Variants in NAALADL2 observed in about 807,000 individuals in gnomAD.
The protein encoded by NAALADL2 is N-acetylated alpha-linked acidic dipeptidase like 2, also known as inactive N-acetylated-alpha-linked acidic dipeptidase-like protein 2.
A neutral mutation model predicts 87.2 loss-of-function variants in NAALADL2; 76 were observed. That is an observed-to-expected ratio of 0.87 (90% CI 0.72 to 1.05). The LOEUF is 1.05. Among genes scored for constraint, NAALADL2 ranks in the 50% least tolerant of loss-of-function variants. The probability of loss-of-function intolerance (pLI) is 0.00; values close to 1 mark genes in which losing one functional copy is unlikely to be tolerated. For synonymous variants in NAALADL2, 354 were observed against 331.0 expected (o/e 1.07, Z -0.75); for missense variants, 1,089 against 945.8 (o/e 1.15, Z -1.99).
At chr3:174,540,182 AAG>A (rs553991490) in intron 1 of NAALADL2, among the ~76,000 whole-genome samples, 14 of 152,258 alleles carry the variant, frequency 9.2e-5, no homozygotes, top group African/African-American at 3.1e-4. Context: ...TTATTCTAGT[AAG>A]AGGGGGAAAA....
At chr3:175,745,740 CAAAT>C (rs1745838957) in intron 12 of NAALADL2, among the ~76,000 whole-genome samples, 1 of 152,068 alleles carries the variant, frequency 6.6e-6, no homozygotes, top group Non-Finnish European at 1.5e-5. Flanking sequence ...GTATCAAAAA[CAAAT>C]AAAATACAAC....
intron 2 of NAALADL2, among the ~76,000 whole-genome samples, chr3:174,626,763 G>T (rs1338076079): frequency 2.6e-5 from 4 of 151,596 alleles, no homozygotes; most frequent in African/African-American, 9.7e-5. Flanking sequence ...AATTTATTTG[G>T]CTGTATAGAG....
At chr3:175,738,934 AC>A (rs1744888652) in intron 12 of NAALADL2, among the ~76,000 whole-genome samples, 1 of 152,110 alleles carries the variant, frequency 6.6e-6, no homozygotes, top group Non-Finnish European at 1.5e-5. Flanking sequence ...ATTTTTTTAA[AC>A]AGTAATTTTA....
intron 1 of NAALADL2, among the ~76,000 whole-genome samples, chr3:174,479,915 G>A (rs1453245611): frequency 1.3e-5 from 2 of 152,002 alleles, no homozygotes; most frequent in Non-Finnish European, 2.9e-5. Flanking sequence ...ATTATCTTGG[G>A]AATCAAAGAA....
intron 1 of NAALADL2, among the ~76,000 whole-genome samples, chr3:175,011,775 T>C (rs1041097791): frequency 1.6e-4 from 25 of 152,216 alleles, no homozygotes; most frequent in Middle Eastern, 6.8e-3. Flanking sequence ...CCATTTTGAG[T>C]GTATTACTAA....
intron 9 of NAALADL2, among the ~76,000 whole-genome samples, chr3:175,565,757 C>A (rs1042641539): frequency 8.6e-5 from 13 of 151,208 alleles, no homozygotes; most frequent in African/African-American, 3.2e-4. Context: ...GTGAATATTT[C>A]TGAAACTGGG....
intron 2 of NAALADL2, among the ~76,000 whole-genome samples, chr3:174,694,495 T>G (rs1439238750): frequency 6.6e-6 from 1 of 152,084 alleles, no homozygotes; most frequent in Non-Finnish European, 1.5e-5. Flanking sequence ...CTGGAACAAT[T>G]TCAGAATGAA....
chr3:174,951,162 A>G (rs1740282270), intron 1 of NAALADL2, among the ~76,000 whole-genome samples: 3 of 151,634 alleles, frequency 2.0e-5, no homozygotes, highest in Admixed American at 2.0e-4. Flanking sequence ...TTTTAGTTAG[A>G]AAGTATTCCA....
chr3:175,527,633 A>G (rs565603895), intron 9 of NAALADL2, among the ~76,000 whole-genome samples: 5 of 152,294 alleles, frequency 3.3e-5, no homozygotes, highest in African/African-American at 1.2e-4. Flanking sequence ...AATATGTGAT[A>G]TGTACTGAGT....
intron 9 of NAALADL2, among the ~76,000 whole-genome samples, chr3:175,541,338 T>TA (rs1486901574): frequency 1.3e-5 from 2 of 152,146 alleles, no homozygotes; most frequent in Non-Finnish European, 2.9e-5. Flanking sequence ...AAAATATAAG[T>TA]AAAAAATGCA....
intron 5 of NAALADL2, among the ~76,000 whole-genome samples, chr3:175,426,906 C>T (rs1195381958): frequency 6.6e-6 from 1 of 152,138 alleles, no homozygotes; most frequent in Non-Finnish European, 1.5e-5. Flanking sequence ...CAATTCCATT[C>T]TTCACTTTGT....
chr3:175,462,706 A>G (rs1310209862), intron 6 of NAALADL2, among the ~76,000 whole-genome samples: 1 of 152,170 alleles, frequency 6.6e-6, no homozygotes, highest in Non-Finnish European at 1.5e-5. Context: ...TCCAGAGACT[A>G]TGTCAGTTCT....
intron 2 of NAALADL2, among the ~76,000 whole-genome samples, chr3:174,616,234 T>C (rs1479618205): frequency 6.6e-6 from 1 of 151,760 alleles, no homozygotes; most frequent in African/African-American, 2.4e-5. Context: ...AAAATGATAA[T>C]TAACACTGCT....
chr3:175,257,148 A>G (rs1258027790), intron 4 of NAALADL2: 4 of 151,674 alleles, frequency 2.6e-5, no homozygotes, highest in Non-Finnish European at 5.9e-5. Context: ...CCAGCACAAT[A>G]GACAGCCACT....
chr3:175,135,132 C>G (rs1352823159), intron 2 of NAALADL2, among the ~76,000 whole-genome samples: 1 of 152,118 alleles, frequency 6.6e-6, no homozygotes, highest in Non-Finnish European at 1.5e-5. Flanking sequence ...AAAATAATAT[C>G]TCTCAACAGT....
intron 1 of NAALADL2, among the ~76,000 whole-genome samples, chr3:174,898,488 A>T (rs1560339300): frequency 6.6e-6 from 1 of 152,060 alleles, no homozygotes; most frequent in Non-Finnish European, 1.5e-5. Context: ...ATGTTTTAAA[A>T]TAATGTGAAG....
chr3:175,519,203 TAGAA>T (rs1391760211), intron 9 of NAALADL2, among the ~76,000 whole-genome samples: 1 of 152,222 alleles, frequency 6.6e-6, no homozygotes, highest in Non-Finnish European at 1.5e-5. Context: ...AATTTGTACT[TAGAA>T]AGGCAGAGGG....
intron 9 of NAALADL2, among the ~76,000 whole-genome samples, chr3:175,498,663 T>C (rs866236832): frequency 6.6e-6 from 1 of 152,052 alleles, no homozygotes; most frequent in Non-Finnish European, 1.5e-5. Flanking sequence ...TACTTAAGAG[T>C]TGGACTTTAT....
chr3:175,323,782 C>G (rs1156505564), intron 4 of NAALADL2, among the ~76,000 whole-genome samples: 3 of 151,568 alleles, frequency 2.0e-5, no homozygotes, highest in African/African-American at 7.3e-5. Flanking sequence ...GTTTGGGAGG[C>G]CGAGGTGGGC....
Sources: allele counts gnomAD v4.1 joint callset (sites outside exome capture counted in the v4.1 genomes callset), GRCh38; gene constraint gnomAD v4.1.1; transcripts MANE v1.5; gene names NCBI Gene and HGNC (gene_info 2026-07-23, HGNC 2026-07-21).